MYO5B: variants seen among roughly 807,000 people sequenced by gnomAD.
The protein encoded by MYO5B is myosin VB, also known as unconventional myosin-Vb.
Under a neutral mutation model 229.3 loss-of-function variants are expected in MYO5B, and 143 were observed. That is an observed-to-expected ratio of 0.62 (90% CI 0.54 to 0.72). The LOEUF (loss-of-function observed/expected upper bound fraction) is 0.72. Among genes scored for constraint, MYO5B ranks in the 30% least tolerant of loss-of-function variants. The pLI is 0.00. For missense variants in MYO5B, 2,321 were observed against 2,331.0 expected, an observed-to-expected ratio of 1.00 and a Z score of 0.09; for synonymous variants, 918 against 885.2, an observed-to-expected ratio of 1.04 and a Z score of -0.66.
intron 10 of MYO5B, chr18:49,970,743 G>T (rs1324583222): frequency 6.6e-6 from 1 of 152,166 alleles, no homozygotes; most frequent in Non-Finnish European, 1.5e-5. Context: ...GCTCATCCGG[G>T]GACAGTTATC....
At position 49,877,644 on chromosome 18, in the gene MYO5B, C is replaced by G. The variant is rs555162112; in HGVS notation, c.3396+119G>C. On this transcript the variant is annotated intron_variant, in intron 25 of 39. Coordinates refer to ENST00000285039, the MANE Select transcript of MYO5B (RefSeq NM_001080467.3). ...AAGTGATCCTGCTCTTGAGAATTAGCCCCTGGGCACTCTGGTCACCATCAG... is the reference window on the plus strand; with the variant it reads ...AAGTGATCCTGCTCTTGAGAATTAGGCCCTGGGCACTCTGGTCACCATCAG... 4.4e-6 allele frequency: 6 copies of G among 1,378,154 alleles called. No individual in the cohort carries two copies. The African/African-American group carries it at 8.6e-5, about 20-fold the overall frequency. The allele number at this position is 1,378,154 out of a possible 1,614,324, so 85.4% of individuals were successfully genotyped here. A position where few individuals can be genotyped will look rare whatever the true frequency, so the allele number is the denominator to read the frequency against.
chr18:49,990,376 C>A, intron 7 of MYO5B, 63 bp downstream of exon 7: 1 of 1,408,392 alleles, frequency 7.1e-7, no homozygotes, highest in Non-Finnish European at 1.0e-6. Context: ...GCAGAGCCCC[C>A]AGCTGTGCAC....
At chr18:50,099,915 G>A (rs923415760) in intron 1 of MYO5B, among the ~76,000 whole-genome samples, 1 of 152,166 alleles carries the variant, frequency 6.6e-6, no homozygotes, top group African/African-American at 2.4e-5. Flanking sequence ...CCTGCCATGG[G>A]TTCACTGGGC....
chr18:50,079,859 G>A (rs546830852), intron 1 of MYO5B, among the ~76,000 whole-genome samples: 54 of 152,316 alleles, frequency 3.5e-4, no homozygotes, highest in African/African-American at 1.2e-3. Context: ...AATTCTGCCA[G>A]CGTAGTCTAT....
intron 6 of MYO5B, among the ~76,000 whole-genome samples, chr18:49,990,891 C>T (rs1210417055): frequency 6.6e-6 from 1 of 152,182 alleles, no homozygotes; most frequent in Non-Finnish European, 1.5e-5. Context: ...TCTGTGAGCT[C>T]CCGTTCTCCT....
At chr18:49,829,083 A>ATT (rs71169455) in intron 39 of MYO5B, among the ~76,000 whole-genome samples, 18,958 of 141,280 alleles carry the variant, frequency 0.13, 1,440 homozygotes, top group East Asian at 0.3. Flanking sequence ...AAAATTGACA[A>ATT]TTTTTTTTTT....
chr18:49,939,153 T>C (rs1440050489), intron 14 of MYO5B, among the ~76,000 whole-genome samples: 11 of 147,806 alleles, frequency 7.4e-5, no homozygotes, highest in African/African-American at 2.2e-4. Context: ...TTTTTCTTTT[T>C]TTTTTTTTTT....
chr18:50,093,150 G>A (rs549929520), intron 1 of MYO5B, among the ~76,000 whole-genome samples: 13 of 151,674 alleles, frequency 8.6e-5, no homozygotes, highest in African/African-American at 2.9e-4. Flanking sequence ...CCATTAAATG[G>A]TGAAATACTA....
chr18:49,858,623 C>T (rs1261150665), intron 29 of MYO5B, among the ~76,000 whole-genome samples: 2 of 152,222 alleles, frequency 1.3e-5, no homozygotes, highest in Non-Finnish European at 2.9e-5. Context: ...GGGTGGGGCA[C>T]GCGAAGCTGA....
chr18:50,075,627 G>T (rs2031061047), intron 1 of MYO5B, among the ~76,000 whole-genome samples: 1 of 152,138 alleles, frequency 6.6e-6, no homozygotes, highest in Non-Finnish European at 1.5e-5. Context: ...TTCCACCAGT[G>T]CTACACTGTG....
chr18:49,878,132 A>C (rs1373229797), intron 24 of MYO5B, among the ~76,000 whole-genome samples: 4 of 152,174 alleles, frequency 2.6e-5, no homozygotes, highest in Non-Finnish European at 4.4e-5. Context: ...AATTTCTCCG[A>C]GAAGTCCTGG....
intron 12 of MYO5B, among the ~76,000 whole-genome samples, chr18:49,960,420 C>T (rs971625851): frequency 2.0e-5 from 3 of 152,208 alleles, no homozygotes; most frequent in African/African-American, 7.2e-5. Context: ...ATTCCCTAAC[C>T]TCCTCAGGCT....
chr18:50,016,951 AC>A (rs555323908), intron 4 of MYO5B, among the ~76,000 whole-genome samples: 293 of 114,300 alleles, frequency 2.6e-3, no homozygotes, highest in African/African-American at 9.9e-3. Context: ...TACCCCCTTC[AC>A]CCCATCTCTA....
intron 9 of MYO5B, among the ~76,000 whole-genome samples, chr18:49,978,724 CACACACACACACACACACACAA>C (rs1485372571): frequency 5.4e-5 from 8 of 147,810 alleles, no homozygotes; most frequent in African/African-American, 2.1e-4. Context: ...CACACACACA[CACACACACACACACACACACAA>C]AATGCTCAGC....
At chr18:49,906,343 C>T in intron 19 of MYO5B, 76 bp downstream of exon 19, 2 of 1,434,968 alleles carry the variant, frequency 1.4e-6, no homozygotes, top group Non-Finnish European at 1.9e-6. Flanking sequence ...AAGAGAGAAG[C>T]CAAGTAGCTG....
intron 17 of MYO5B, among the ~76,000 whole-genome samples, chr18:49,918,446 T>C (rs1253470217): frequency 6.6e-6 from 1 of 152,234 alleles, no homozygotes; most frequent in East Asian, 1.9e-4. Flanking sequence ...AAGGTTCCCT[T>C]AGAAAATGGT....
intron 27 of MYO5B, among the ~76,000 whole-genome samples, chr18:49,866,135 C>T (rs645232): frequency 0.43 from 65,178 of 152,006 alleles, 14,581 homozygotes; most frequent in Middle Eastern, 0.56. Context: ...TTGGCGTGAT[C>T]TCGGCTCACT....
chr18:49,938,231 A>T (rs1198867524), intron 14 of MYO5B, among the ~76,000 whole-genome samples: 2 of 152,158 alleles, frequency 1.3e-5, no homozygotes. Flanking sequence ...TATGCCTGTT[A>T]TATGGGGTTG....
rs2023994054 is a variant in MYO5B at position 49,836,896 on chromosome 18, G to C, written c.5139-11C>G. 2 of 1,613,662 alleles carry C rather than the reference G, an allele frequency of 1.2e-6. No individual in the cohort carries two copies. The highest frequency in any genetic ancestry group is 1.7e-6 in the Non-Finnish European group (2 of 1,179,740). Reference sequence around the variant, plus strand: ...TGACTTATATTGTACCTTAGCCATAGGTAGAAAGCAAGCTATGTTAAGCCG... The same window carrying C: ...TGACTTATATTGTACCTTAGCCATACGTAGAAAGCAAGCTATGTTAAGCCG... On this transcript the variant is annotated splice_polypyrimidine_tract_variant and intron_variant, in intron 37 of 39. Transcript: ENST00000285039.
Sources: allele counts gnomAD v4.1 joint callset (sites outside exome capture counted in the v4.1 genomes callset), GRCh38; gene constraint gnomAD v4.1.1; transcripts MANE v1.5; gene names NCBI Gene and HGNC (gene_info 2026-07-23, HGNC 2026-07-21).